RAB13: variants seen among roughly 807,000 people sequenced by gnomAD.
The protein encoded by RAB13 is RAB13, member RAS oncogene family.
Under a neutral mutation model 29.3 loss-of-function variants are expected in RAB13, and 15 were observed. That is an observed-to-expected ratio of 0.51 (90% CI 0.34 to 0.79). RAB13 has a LOEUF of 0.79. RAB13 is among the 30% of genes least tolerant of loss of function. RAB13 has a pLI of 0.01. For missense variants in RAB13, 186 were observed against 255.5 expected (o/e 0.73, Z 1.85); for synonymous variants, 82 against 93.8 (o/e 0.87, Z 0.73).
upstream of RAB13, among the ~76,000 whole-genome samples, chr1:153,990,152 G>C (rs1291304559): frequency 1.4e-5 from 2 of 146,750 alleles, no homozygotes; most frequent in Non-Finnish European, 3.0e-5. Context: ...CTGTACTTCC[G>C]CCTCCCAGGT....
chr1:153,986,936 T>C (rs1037751951), upstream of RAB13, among the ~76,000 whole-genome samples: 4 of 152,030 alleles, frequency 2.6e-5, no homozygotes, highest in Non-Finnish European at 5.9e-5. Flanking sequence ...AAACGTAAAT[T>C]AGTTATACAG....
At position 153,983,417 on chromosome 1, in the gene RAB13, C is replaced by A. The variant is rs563957950; in HGVS notation, c.246+104G>T. The A allele has an allele frequency of 2.5e-5, 37 of 1,471,100 alleles. No homozygotes were observed. The Admixed American group carries it at 4.4e-4, about 17-fold the overall frequency. 91.1% of individuals were successfully genotyped at this position (1,471,100 alleles called of 1,614,324 possible). ...CATGTTGGGCCCTCTGCAACCCACA[C>A]TGCACCCCTCCCATTTTTACCTGCC... On this transcript the variant is annotated intron_variant, in intron 3 of 7. Transcript: ENST00000368575.
intron 3 of RAB13, 55 bp from the exon 4 acceptor site, chr1:153,983,351 C>A: frequency 1.3e-6 from 2 of 1,549,316 alleles, no homozygotes; most frequent in Non-Finnish European, 1.8e-6. Flanking sequence ...CTTCCCACTG[C>A]CCTGTAAGTG....
rs370214600 is a variant in RAB13 at position 153,982,617 on chromosome 1, G to A, written c.415-17C>T. 8 of 1,612,900 alleles carry A rather than the reference G, an allele frequency of 5.0e-6. No individual in the cohort carries two copies. Among genetic ancestry groups the A allele is most frequent in the Non-Finnish European group, 6.8e-6 (8 of 1,178,868 alleles). On this transcript the variant is annotated splice_polypyrimidine_tract_variant and intron_variant, in intron 5 of 7. Transcript: ENST00000368575. The stretch of plus-strand genomic sequence containing the variant: ...TCGAGCCAACTATAAGGGGTGAAGT[G>A]GGAAGAGAATTGAATTAAGGACAGC...
intron 1 of RAB13, chr1:153,985,904 TGAA>T (rs1209243629): frequency 2.8e-6 from 2 of 706,750 alleles, no homozygotes; most frequent in East Asian, 6.4e-5. Context: ...TGGCAGCAGT[TGAA>T]GAGTTACCTG....
chr1:153,982,501 C>T, intron 6 of RAB13, 34 bp downstream of exon 6: 1 of 1,608,340 alleles, frequency 6.2e-7, no homozygotes, highest in East Asian at 2.2e-5. Flanking sequence ...CTAATACTTC[C>T]TCTCTTGGTC....
rs557220660 is a variant in RAB13, at chr1:153,982,062, G to A, written c.*37C>T. On this transcript the variant is annotated 3_prime_UTR_variant, in exon 8 of 8. Coordinates refer to ENST00000368575, the MANE Select transcript of RAB13 (RefSeq NM_002870.5). ...ACTCCCTCTGCCGTTGTCTCCCTCA[G>A]GTTCAGCTTCCGGGGTGGGGAGGCA... 2 of 1,580,098 alleles carry A rather than the reference G, an allele frequency of 1.3e-6. No homozygotes were observed. The highest frequency in any genetic ancestry group is 8.7e-7 in the Non-Finnish European group (1 of 1,150,058).
upstream of RAB13, among the ~76,000 whole-genome samples, chr1:153,986,871 T>G (rs1649185967): frequency 1.3e-5 from 2 of 152,126 alleles, no homozygotes; most frequent in African/African-American, 4.8e-5. Flanking sequence ...AAAAGCGGGA[T>G]GCGCAGAAGT....
intron 3 of RAB13, 36 bp from the exon 4 acceptor site, chr1:153,983,332 C>T (rs781712765): frequency 6.3e-7 from 1 of 1,589,730 alleles, no homozygotes; most frequent in South Asian, 1.1e-5. Context: ...GACCATGTTC[C>T]CATTGAGGCT....
intron 1 of RAB13, chr1:153,985,327 G>A: frequency 5.1e-6 from 5 of 984,658 alleles, no homozygotes; most frequent in Non-Finnish European, 6.0e-6. Context: ...CTTTTCCTTT[G>A]TAACCAGAAT....
chr1:153,982,340 T>G (rs12071941), intron 7 of RAB13, 51 bp downstream of exon 7: 2 of 1,370,242 alleles, frequency 1.5e-6, no homozygotes, highest in Non-Finnish European at 2.0e-6. Flanking sequence ...CACACATACA[T>G]ACACACACAC....
upstream of RAB13, among the ~76,000 whole-genome samples, chr1:153,987,831 T>A (rs913055931): frequency 6.8e-6 from 1 of 147,908 alleles, no homozygotes; most frequent in African/African-American, 2.5e-5. Flanking sequence ...TGGCCTGTAG[T>A]CCCAGCCGCA....
chr1:153,988,487 T>C (rs1322372071), upstream of RAB13, among the ~76,000 whole-genome samples: 2 of 147,890 alleles, frequency 1.4e-5, no homozygotes. Context: ...GAGACGGGGT[T>C]TCACCGTGTT....
upstream of RAB13, among the ~76,000 whole-genome samples, chr1:153,989,566 G>A (rs1004220318): frequency 1.3e-5 from 2 of 151,626 alleles, no homozygotes; most frequent in Non-Finnish European, 2.9e-5. Flanking sequence ...AATTATTCAA[G>A]GGAGTCTCTC....
rs755080114 is a variant in RAB13 at position 153,986,074 on chromosome 1, C to T, written c.124+39G>A. On this transcript the variant is annotated intron_variant, in intron 1 of 7. Coordinates refer to ENST00000368575, the MANE Select transcript of RAB13 (RefSeq NM_002870.5). Reference sequence around the variant, plus strand: ...ATCCGGGAGCCGGAGAAGGAGGTCACAGGAGAGTCGGGGTCTGGGACATGG... The same window carrying T: ...ATCCGGGAGCCGGAGAAGGAGGTCATAGGAGAGTCGGGGTCTGGGACATGG... 4.0e-5 allele frequency: 64 copies of T among 1,611,384 alleles called. No individual in the cohort carries two copies. In the South Asian group the frequency reaches 6.6e-4, roughly 17 times the overall value.
chr1:153,988,438 C>G (rs1649250687), upstream of RAB13, among the ~76,000 whole-genome samples: 1 of 147,718 alleles, frequency 6.8e-6, no homozygotes, highest in African/African-American at 2.5e-5. Context: ...GGACTACAGG[C>G]GCCCGCCACC....
At chr1:153,983,642 T>C in intron 2 of RAB13, 61 bp from the exon 3 acceptor site, 1 of 1,412,480 alleles carries the variant, frequency 7.1e-7, no homozygotes, top group Non-Finnish European at 1.0e-6. Flanking sequence ...ACGGAATAAT[T>C]CTTCCTCTCT....
chr1:153,983,573 G>A lies in RAB13; in HGVS notation c.194C>T (p.Ala65Val). ...TATTGTCTTGAACCGCTCTTGGCCAGCCGTGTCCCTAAAGAAGGAGAAGTT... is the reference window on the plus strand; with the variant it reads ...TATTGTCTTGAACCGCTCTTGGCCAACCGTGTCCCTAAAGAAGGAGAAGTT... ...KKIKLQVWDT[A>V]GQERFKTITT... The change falls in exon 3 of 8, where the codon GCT (alanine) becomes GTT (valine). Residue 65 changes from alanine to valine, a missense_variant. Coordinates refer to ENST00000368575, the MANE Select transcript of RAB13 (RefSeq NM_002870.5). The A allele has an allele frequency of 6.2e-7, 1 of 1,609,250 alleles. No individual in the cohort carries two copies. Among genetic ancestry groups the A allele is most frequent in the Non-Finnish European group, 8.5e-7 (1 of 1,175,594 alleles).
At chr1:153,982,357 C>G in intron 7 of RAB13, 34 bp downstream of exon 7, 1 of 1,575,356 alleles carries the variant, frequency 6.3e-7, no homozygotes, top group Non-Finnish European at 8.7e-7. Context: ...ACACACACCC[C>G]AGAGTTGTAC....
Sources: gnomAD v4.1 joint callset for allele counts (sites outside exome capture counted in the v4.1 genomes callset) on GRCh38, gnomAD v4.1.1 for gene constraint, MANE v1.5 for transcripts, NCBI Gene and HGNC (gene_info 2026-07-23, HGNC 2026-07-21) for gene names.